Variants in PCDHGA3 observed in about 807,000 individuals in gnomAD.
PCDHGA3 encodes protocadherin gamma-A3.
A neutral mutation model predicts 58.5 loss-of-function variants in PCDHGA3; 40 were observed. The ratio of observed to expected loss-of-function variants is 0.68; its 90% confidence interval spans 0.53 to 0.89. The LOEUF (loss-of-function observed/expected upper bound fraction) is 0.89. Among genes scored for constraint, PCDHGA3 ranks in the 40% least tolerant of loss-of-function variants. The pLI, the probability that PCDHGA3 is intolerant of heterozygous loss-of-function variation, is 0.00. For synonymous variants in PCDHGA3, 530 were observed against 525.7 expected (o/e 1.01, Z -0.11); for missense variants, 1,223 against 1,195.9 (o/e 1.02, Z -0.33).
At chr5:141,366,240 C>T (rs750277167) in intron 1 of PCDHGA3, 11 of 1,613,680 alleles carry the variant, frequency 6.8e-6, no homozygotes, top group African/African-American at 5.3e-5. Flanking sequence ...GACAGAGACG[C>T]GCTCAAGCAG....
intron 1 of PCDHGA3, among the ~76,000 whole-genome samples, chr5:141,488,661 G>T (rs573211567): frequency 6.6e-6 from 1 of 152,246 alleles, no homozygotes; most frequent in African/African-American, 2.4e-5. Context: ...GGAGGGTGGG[G>T]GAATACATGG....
Position 141,491,529 on chromosome 5 carries a change from G to T in PCDHGA3, c.2425-3278G>T, listed in dbSNP as rs1157770121. ...GCACGCTCAAGTACATGGAGGTGAC[G>T]CTGCGGCCCACAGACTCGCAGAGCC... On this transcript the variant is annotated intron_variant, in intron 1 of 3. Transcript: ENST00000253812. This position sits in a 1 kb window ranked among gnomAD's most constrained non-coding sequence, Gnocchi z 6.9. The T allele has an allele frequency of 6.2e-7, 1 of 1,614,040 alleles. No individual in the cohort carries two copies. The highest frequency in any genetic ancestry group is 1.1e-5 in the South Asian group (1 of 91,080).
chr5:141,390,246 C>T (rs1401463493), intron 1 of PCDHGA3: 5 of 1,613,922 alleles, frequency 3.1e-6, no homozygotes, highest in African/African-American at 1.3e-5. Context: ...GGCCTTATTT[C>T]CACTTTGTAA....
intron 1 of PCDHGA3, chr5:141,404,764 C>G: frequency 6.2e-7 from 1 of 1,613,920 alleles, no homozygotes; most frequent in Non-Finnish European, 8.5e-7. Context: ...ATGCTTGGCT[C>G]TCCTACCGCC....
chr5:141,363,373 G>GT (rs1231434540), intron 1 of PCDHGA3, among the ~76,000 whole-genome samples: 4 of 151,738 alleles, frequency 2.6e-5, no homozygotes, highest in Non-Finnish European at 5.9e-5. Flanking sequence ...CAATCAAGAG[G>GT]TTTTTCTATT....
At chr5:141,382,883 A>G in intron 1 of PCDHGA3, 5 of 1,528,792 alleles carry the variant, frequency 3.3e-6, no homozygotes, top group Non-Finnish European at 4.4e-6. Context: ...CGCCTAAGCA[A>G]GAGAAGCAGG....
Position 141,344,995 on chromosome 5 carries a change from C to A in PCDHGA3, c.962C>A (p.Ala321Glu). Reference sequence around the variant, plus strand: ...ATGTTCTATGAAATTAAAATTGAAGCACAGGATGGACCAGGTCTTCTTTCA... The same window carrying A: ...ATGTTCTATGAAATTAAAATTGAAGAACAGGATGGACCAGGTCTTCTTTCA... ...DAMFYEIKIE[A>E]QDGPGLLSRA... Residue 321 changes from alanine to glutamate, a missense_variant, in exon 1 of 4, where the codon GCA becomes GAA. By Grantham distance (107) the Ala-to-Glu change is moderately radical (BLOSUM62 -1). Transcript: ENST00000253812. 6.2e-7 allele frequency: 1 copy of A among 1,613,910 alleles called. No homozygotes were observed. The highest frequency in any genetic ancestry group is 8.5e-7 in the Non-Finnish European group (1 of 1,179,854).
At chr5:141,354,997 A>G in intron 1 of PCDHGA3, 2 of 704,394 alleles carry the variant, frequency 2.8e-6, no homozygotes, top group Non-Finnish European at 2.1e-6. Flanking sequence ...AATCAGGGGG[A>G]AAAGACAAAC....
intron 1 of PCDHGA3, chr5:141,478,905 G>T (rs1593970684): frequency 1.1e-6 from 1 of 930,214 alleles, no homozygotes; most frequent in East Asian, 2.7e-5. Flanking sequence ...GGAATAAGCT[G>T]CTGGATACCT....
At chr5:141,505,559 G>A (rs1215110084) in intron 3 of PCDHGA3, 78 bp downstream of exon 3, 27 of 1,604,592 alleles carry the variant, frequency 1.7e-5, no homozygotes, top group Non-Finnish European at 2.0e-5. Flanking sequence ...CCATGCCCAC[G>A]GACTGGATGT....
At position 141,370,593 on chromosome 5, in the gene PCDHGA3, C is replaced by T. The variant is rs373364003; in HGVS notation, c.2424+24136C>T. On this transcript the variant is annotated intron_variant, in intron 1 of 3. Coordinates refer to ENST00000253812, the MANE Select transcript of PCDHGA3 (RefSeq NM_018916.4). ...GGGGGATTTACCTACTAGGAACCTG[C>T]GGGTTATTGCAGAGAAGAAATTCTT... is the stretch of plus-strand genomic sequence containing the variant. 26 of 1,613,708 alleles carry T rather than the reference C, an allele frequency of 1.6e-5. No homozygotes were observed. The African/African-American group carries it at 2.8e-4, about 17-fold the overall frequency.
At position 141,374,917 on chromosome 5, in the gene PCDHGA3, T is replaced by C. The variant is rs1385873751; in HGVS notation, c.2424+28460T>C. 7.4e-6 allele frequency: 12 copies of C among 1,613,816 alleles called. No homozygotes were observed. In the Admixed American group the frequency reaches 1.5e-4, roughly 20 times the overall value. Reference sequence around the variant, plus strand: ...ATGAAGGAGTCCACGGGGAAGTAACTTATTCCTTTGTGAAGATTACAGAAA... The same window carrying C: ...ATGAAGGAGTCCACGGGGAAGTAACCTATTCCTTTGTGAAGATTACAGAAA... On this transcript the variant is annotated intron_variant, in intron 1 of 3. Coordinates refer to ENST00000253812, the MANE Select transcript of PCDHGA3 (RefSeq NM_018916.4).
chr5:141,349,984 C>G (rs769244141), intron 1 of PCDHGA3: 6 of 306,550 alleles, frequency 2.0e-5, no homozygotes, highest in African/African-American at 1.3e-4. Context: ...CAAGAGGTTG[C>G]GCTTTGAGGA....
chr5:141,351,110 A>G lies in PCDHGA3; in HGVS notation c.2424+4653A>G, dbSNP rs1185497044. 5 of 1,613,972 alleles carry G rather than the reference A, an allele frequency of 3.1e-6. No individual in the cohort carries two copies. In the South Asian group the frequency reaches 5.5e-5, roughly 18 times the overall value. ...CTATGCCTTCCTCAATTCCCCAATA[A>G]GTACCAGCCTCTTCAATCTCAATCC... is the stretch of plus-strand genomic sequence containing the variant. On this transcript the variant is annotated intron_variant, in intron 1 of 3. Transcript: ENST00000253812.
chr5:141,412,041 T>G (rs2095531468), intron 1 of PCDHGA3: 1 of 152,108 alleles, frequency 6.6e-6, no homozygotes, highest in Non-Finnish European at 1.5e-5. Context: ...GTGAAAGAAG[T>G]GAACTTCTAT....
chr5:141,409,748 G>C, intron 1 of PCDHGA3: 2 of 1,613,018 alleles, frequency 1.2e-6, no homozygotes, highest in South Asian at 2.2e-5. Context: ...GGTGGTGTTC[G>C]CGCAGCGCGC....
chr5:141,415,147 C>A lies in PCDHGA3; in HGVS notation c.2424+68690C>A, dbSNP rs779194230. The A allele has an allele frequency of 9.9e-6, 16 of 1,613,668 alleles. No individual in the cohort carries two copies. Among genetic ancestry groups the A allele is most frequent in the African/African-American group, 1.3e-5 (1 of 74,952 alleles). On this transcript the variant is annotated intron_variant, in intron 1 of 3. Transcript: ENST00000253812. ...CGTCCAGGACCACGGCCAGCCCCCT[C>A]TCTCCGCCACTGTCACGCTCACCGT... is the stretch of plus-strand genomic sequence containing the variant.
At chr5:141,494,783 C>G (rs2099756910) in intron 1 of PCDHGA3, 24 bp from the exon 2 acceptor site, 2 of 1,613,964 alleles carry the variant, frequency 1.2e-6, no homozygotes, top group Admixed American at 3.3e-5. Context: ...GTACTCAGCC[C>G]CTTTCCCTCT....
At position 141,421,727 on chromosome 5, in the gene PCDHGA3, C is replaced by T. The variant is rs779718690; in HGVS notation, c.2425-73080C>T. The T allele has an allele frequency of 4.3e-6, 7 of 1,613,798 alleles. No individual in the cohort carries two copies. In the African/African-American group the frequency reaches 9.3e-5, roughly 22 times the overall value. ...AGGGATCCAGATGTGGGCGTGAACT[C>T]CCTCCAGAGCTACCAGCTCAGCCCT... On this transcript the variant is annotated intron_variant, in intron 1 of 3. Coordinates refer to ENST00000253812, the MANE Select transcript of PCDHGA3 (RefSeq NM_018916.4).
Sources: allele counts gnomAD v4.1 joint callset (sites outside exome capture counted in the v4.1 genomes callset), GRCh38; gene constraint gnomAD v4.1.1; non-coding constraint Gnocchi (gnomAD v3.1); transcripts MANE v1.5; gene names NCBI Gene and HGNC (gene_info 2026-07-23, HGNC 2026-07-21).